The following ZNF131 variants were observed in gnomAD, a reference collection of about 807,000 sequenced individuals.
ZNF131 encodes zinc finger and BTB domain containing 35, also known as zinc finger protein 131.
ZNF131 carries 7 observed loss-of-function variants against 60.0 expected under a neutral mutation model. That is an observed-to-expected ratio of 0.12 (90% CI 0.07 to 0.22). The LOEUF is 0.22. Ranked by LOEUF, ZNF131 falls within the 10% of genes least tolerant of loss-of-function variation. The pLI is 1.00. For missense variants in ZNF131, 493 were observed against 740.9 expected, an observed-to-expected ratio of 0.67 and a Z score of 3.88; for synonymous variants, 257 against 253.2, an observed-to-expected ratio of 1.01 and a Z score of -0.14.
At chr5:43,156,399 C>G (rs1216838389) in intron 4 of ZNF131, among the ~76,000 whole-genome samples, 3 of 152,124 alleles carry the variant, frequency 2.0e-5, no homozygotes, top group East Asian at 3.8e-4. Flanking sequence ...GAATTTGGCT[C>G]CACTCCTAAT....
intron 1 of ZNF131, 129 bp from the exon 2 acceptor site, chr5:43,121,910 T>A (rs1743887663): frequency 2.9e-6 from 3 of 1,051,054 alleles, no homozygotes; most frequent in Non-Finnish European, 3.9e-6. Flanking sequence ...CTCGCCTTTC[T>A]CTCCTCTTGC....
intron 5 of ZNF131, 43 bp downstream of exon 5, chr5:43,161,974 C>G (rs929270991): frequency 3.3e-6 from 5 of 1,506,988 alleles, no homozygotes; most frequent in Non-Finnish European, 4.4e-6. Context: ...TTCCCACATG[C>G]ACTTCAAATT....
At chr5:43,131,934 G>C (rs149395231) in intron 3 of ZNF131, among the ~76,000 whole-genome samples, 2 of 152,138 alleles carry the variant, frequency 1.3e-5, no homozygotes, top group African/African-American at 2.4e-5. Context: ...TATCCTGTTA[G>C]TATTCTATTT....
intron 3 of ZNF131, among the ~76,000 whole-genome samples, chr5:43,135,851 C>A (rs187648733): frequency 2.7e-4 from 41 of 152,332 alleles, no homozygotes; most frequent in African/African-American, 8.9e-4. Flanking sequence ...GGTGCAGTGG[C>A]TCACGCCTAT....
At chr5:43,174,303 T>A in intron 6 of ZNF131, 144 bp from the exon 7 acceptor site, 1 of 734,000 alleles carries the variant, frequency 1.4e-6, no homozygotes, top group Non-Finnish European at 2.1e-6. Flanking sequence ...ATGAAATAGC[T>A]TGGACGAGAT....
chr5:43,127,288 C>T (rs1296567103), intron 3 of ZNF131, among the ~76,000 whole-genome samples: 1 of 152,136 alleles, frequency 6.6e-6, no homozygotes, highest in Non-Finnish European at 1.5e-5. Context: ...CAGGTTGTAT[C>T]TCCAGATAAT....
At chr5:43,151,533 C>G (rs1386947559) in intron 4 of ZNF131, among the ~76,000 whole-genome samples, 3 of 151,970 alleles carry the variant, frequency 2.0e-5, no homozygotes, top group African/African-American at 4.8e-5. Flanking sequence ...CTTCTGGGCT[C>G]AAGCAATACT....
At chr5:43,127,028 T>G (rs750891517) in intron 3 of ZNF131, among the ~76,000 whole-genome samples, 21 of 152,168 alleles carry the variant, frequency 1.4e-4, no homozygotes, top group Non-Finnish European at 2.6e-4. Context: ...CACTACTGTT[T>G]TGAGTTTTGA....
rs1025765212 is a variant in ZNF131 at position 43,122,047 on chromosome 5, G to A, written c.-7G>A. 6.2e-7 allele frequency: 1 copy of A among 1,613,690 alleles called. No homozygotes were observed. Among genetic ancestry groups the A allele is most frequent in the Admixed American group, 1.7e-5 (1 of 59,926 alleles). ...ATGCTCTTCTTTTGTAGAGCAGCCC[G>A]ACGGCCATGGAGGCTGAAGAGACGA... On this transcript the variant is annotated 5_prime_UTR_variant, in exon 2 of 7. Transcript: ENST00000682664.
In ZNF131 at chr5:43,161,154, T is replaced by C. The variant is rs1008738166; in HGVS notation, c.372-95T>C. The C allele has an allele frequency of 2.1e-5, 24 of 1,128,744 alleles. 1 individual carries two copies. The African/African-American group carries it at 3.1e-4, about 15-fold the overall frequency. The allele number at this position is 1,128,744 out of a possible 1,614,324, so 69.9% of individuals were successfully genotyped here. A position where few individuals can be genotyped will look rare whatever the true frequency, so the allele number is the denominator to read the frequency against. ...CCCTGCAGTCTTGTTTTATAACTGT[T>C]TATATAAATTTTATTGCCACTTTAT... On this transcript the variant is annotated intron_variant, in intron 4 of 6. Coordinates refer to ENST00000682664, the MANE Select transcript of ZNF131 (RefSeq NM_001330707.2).
At position 43,161,565 on chromosome 5, in the gene ZNF131, A is replaced by G. The variant is rs757212567; in HGVS notation, c.688A>G (p.Ile230Val). Residue 230 changes from isoleucine (I) to valine (V), a missense_variant, in exon 5 of 7, where the codon ATT becomes GTT. Transcript: ENST00000682664. Reference protein sequence around the residue: ...KYRQGDRKGQIKEDGCPSDPT... With the variant: ...KYRQGDRKGQVKEDGCPSDPT... ...CCGTCAAGGTGACAGAAAAGGGCAG[A>G]TTAAAGAAGATGGCTGTCCATCTGA... The G allele has an allele frequency of 6.2e-7, 1 of 1,614,150 alleles. No individual in the cohort carries two copies. The highest frequency in any genetic ancestry group is 8.5e-7 in the Non-Finnish European group (1 of 1,180,052).
chr5:43,155,552 A>G lies in ZNF131; in HGVS notation c.372-5697A>G, dbSNP rs1160212103. Reference sequence around the variant, plus strand: ...ATTAGCGTTGTGGGGCCCTAAAGGTAGAGAGAATGCACTGCAGTTCGATTG... The same window carrying G: ...ATTAGCGTTGTGGGGCCCTAAAGGTGGAGAGAATGCACTGCAGTTCGATTG... On this transcript the variant is annotated intron_variant, in intron 4 of 6. Transcript: ENST00000682664. Among the ~76,000 whole-genome samples, 3 of 152,188 alleles carry G rather than the reference A, an allele frequency of 2.0e-5. No individual in the cohort carries two copies. In the East Asian group the frequency reaches 5.8e-4, roughly 29 times the overall value.
At chr5:43,158,996 G>A (rs1749306659) in intron 4 of ZNF131, among the ~76,000 whole-genome samples, 1 of 152,128 alleles carries the variant, frequency 6.6e-6, no homozygotes, top group Non-Finnish European at 1.5e-5. Flanking sequence ...AGAAAGAAAG[G>A]ACCTTATTAC....
intron 5 of ZNF131, among the ~76,000 whole-genome samples, chr5:43,168,387 T>C (rs529108262): frequency 6.6e-6 from 1 of 152,160 alleles, no homozygotes; most frequent in Non-Finnish European, 1.5e-5. Flanking sequence ...GGAAACAAAT[T>C]GTTTGGATCA....
intron 3 of ZNF131, among the ~76,000 whole-genome samples, chr5:43,128,066 C>G (rs77669278): frequency 6.6e-6 from 1 of 152,128 alleles, no homozygotes; most frequent in Non-Finnish European, 1.5e-5. Flanking sequence ...CAATGCTGCT[C>G]CCTTTTACTC....
intron 3 of ZNF131, among the ~76,000 whole-genome samples, chr5:43,137,299 C>A (rs1208016885): frequency 6.6e-6 from 1 of 151,874 alleles, no homozygotes; most frequent in Non-Finnish European, 1.5e-5. Context: ...ATTTGCAGAA[C>A]CAAATAAATG....
chr5:43,173,311 C>G lies in ZNF131; in HGVS notation c.1055-7C>G, dbSNP rs1751225820. ...TTTGCCAACGTATCTTTTTTCCCCTCTAATAGGTGAAAAACCTTTTGAATG... is the reference window on the plus strand; with the variant it reads ...TTTGCCAACGTATCTTTTTTCCCCTGTAATAGGTGAAAAACCTTTTGAATG... On this transcript the variant is annotated splice_region_variant and splice_polypyrimidine_tract_variant and intron_variant, in intron 5 of 6. Transcript: ENST00000682664. 4 of 1,577,482 alleles carry G rather than the reference C, an allele frequency of 2.5e-6. No individual in the cohort carries two copies. The highest frequency in any genetic ancestry group is 3.5e-6 in the Non-Finnish European group (4 of 1,155,916).
chr5:43,130,317 AAGAC>A (rs1055180357), intron 3 of ZNF131, among the ~76,000 whole-genome samples: 8 of 150,402 alleles, frequency 5.3e-5, no homozygotes, highest in Middle Eastern at 3.4e-3. Context: ...GAGAGATAAT[AAGAC>A]AGAATCAAAA....
intron 4 of ZNF131, chr5:43,143,516 G>T: frequency 1.3e-6 from 1 of 786,848 alleles, no homozygotes; most frequent in Non-Finnish European, 1.9e-6. Flanking sequence ...AGATGAGCCA[G>T]ACATCGTTTC....
Sources: allele counts gnomAD v4.1 joint callset (sites outside exome capture counted in the v4.1 genomes callset), GRCh38; gene constraint gnomAD v4.1.1; transcripts MANE v1.5; gene names NCBI Gene and HGNC (gene_info 2026-07-23, HGNC 2026-07-21).